DOCK8: variants seen among roughly 807,000 people sequenced by gnomAD.
DOCK8 encodes dedicator of cytokinesis 8.
Under a neutral mutation model 245.6 loss-of-function variants are expected in DOCK8, and 141 were observed. The observed-to-expected ratio is 0.57, with a 90% CI of 0.50 to 0.66. The LOEUF is 0.66. Ranked by LOEUF, DOCK8 falls within the 30% of genes least tolerant of loss-of-function variation. DOCK8 has a pLI of 0.00. For synonymous variants in DOCK8, 1,168 were observed against 970.2 expected, an observed-to-expected ratio of 1.20 and a Z score of -3.79; for missense variants, 2,965 against 2,603.4, an observed-to-expected ratio of 1.14 and a Z score of -3.02.
chr9:392,411 G>A (rs1366656207), intron 24 of DOCK8, among the ~76,000 whole-genome samples: 1 of 152,188 alleles, frequency 6.6e-6, no homozygotes, highest in Non-Finnish European at 1.5e-5. Context: ...CCTCTGTTTT[G>A]AGAAGGGTCC....
chr9:218,043 T>G (rs2046800811), intron 1 of DOCK8, among the ~76,000 whole-genome samples: 1 of 152,250 alleles, frequency 6.6e-6, no homozygotes, highest in Non-Finnish European at 1.5e-5. Context: ...TGTTTCTGAT[T>G]AGTGTTTAAT....
chr9:430,726 C>T (rs1428210362), intron 36 of DOCK8, among the ~76,000 whole-genome samples: 1 of 151,604 alleles, frequency 6.6e-6, no homozygotes, highest in Non-Finnish European at 1.5e-5. Context: ...AAGTTATCAT[C>T]TGTGGGGGAA....
At chr9:341,049 A>G (rs1250768044) in intron 14 of DOCK8, among the ~76,000 whole-genome samples, 1 of 152,254 alleles carries the variant, frequency 6.6e-6, no homozygotes, top group Non-Finnish European at 1.5e-5. Flanking sequence ...TAATAATAGC[A>G]CACATTCCAA....
intron 21 of DOCK8, among the ~76,000 whole-genome samples, 183 bp from the exon 22 acceptor site, chr9:382,330 C>A (rs1264941099): frequency 2.0e-5 from 3 of 152,164 alleles, no homozygotes; most frequent in Non-Finnish European, 4.4e-5. Flanking sequence ...GTGCCTTATG[C>A]CCCATCTACT....
At chr9:335,030 C>T (rs995709528) in intron 11 of DOCK8, among the ~76,000 whole-genome samples, 1 of 151,790 alleles carries the variant, frequency 6.6e-6, no homozygotes, top group African/African-American at 2.4e-5. Context: ...TACAGTGAGC[C>T]GAGATCAGGC....
rs148966853 is a variant in DOCK8, at chr9:286,416, G to C, written c.157-45G>C. On this transcript the variant is annotated intron_variant, in intron 2 of 47. Coordinates refer to ENST00000432829, the MANE Select transcript of DOCK8 (RefSeq NM_203447.4). Reference sequence around the variant, plus strand: ...TACTATTGCCTTTGTGCTTTTACCAGAAAACTGGGTGAGAACCTCCTTTTC... The same window carrying C: ...TACTATTGCCTTTGTGCTTTTACCACAAAACTGGGTGAGAACCTCCTTTTC... 167 of 1,605,726 alleles carry C rather than the reference G, an allele frequency of 1.0e-4. No homozygotes were observed. In the Middle Eastern group the frequency reaches 2.9e-3, roughly 28 times the overall value.
At chr9:285,390 G>A (rs1174149878) in intron 2 of DOCK8, among the ~76,000 whole-genome samples, 1 of 152,198 alleles carries the variant, frequency 6.6e-6, no homozygotes, top group Non-Finnish European at 1.5e-5. Context: ...CATCAAGGCA[G>A]TGCAAGTAAA....
chr9:253,404 A>G (rs1563843151), intron 1 of DOCK8, among the ~76,000 whole-genome samples: 1 of 152,152 alleles, frequency 6.6e-6, no homozygotes, highest in Non-Finnish European at 1.5e-5. Flanking sequence ...TACTCAAAGC[A>G]ACTTTCTTTA....
intron 11 of DOCK8, 76 bp downstream of exon 11, chr9:334,460 G>T: frequency 6.6e-7 from 1 of 1,514,078 alleles, no homozygotes; most frequent in Non-Finnish European, 9.0e-7. Context: ...TACTAGCGGG[G>T]ACTGGGGGCA....
chr9:386,285 C>T (rs752728087), intron 22 of DOCK8, 46 bp from the exon 23 acceptor site: 1 of 1,549,492 alleles, frequency 6.5e-7, no homozygotes, highest in East Asian at 2.3e-5. Flanking sequence ...TCTGGCTTAC[C>T]TTTCCATGGT....
At chr9:288,325 C>T (rs913814511) in intron 3 of DOCK8, among the ~76,000 whole-genome samples, 7 of 152,184 alleles carry the variant, frequency 4.6e-5, no homozygotes, top group Admixed American at 1.3e-4. Flanking sequence ...GCTGTGATGG[C>T]GTGGTAGTGA....
intron 26 of DOCK8, among the ~76,000 whole-genome samples, chr9:400,034 C>CCAG (rs1308908218): frequency 5.4e-5 from 5 of 91,978 alleles, no homozygotes; most frequent in African/African-American, 2.3e-4. Flanking sequence ...TCCACCATCA[C>CCAG]CACCACCACC....
chr9:402,215 C>G (rs753182045), intron 26 of DOCK8, among the ~76,000 whole-genome samples: 2 of 152,280 alleles, frequency 1.3e-5, no homozygotes, highest in African/African-American at 4.8e-5. Flanking sequence ...TCTTTCCTTT[C>G]TTTTCTCTTG....
intron 27 of DOCK8, 65 bp downstream of exon 27, chr9:405,138 A>C: frequency 6.8e-7 from 1 of 1,477,648 alleles, no homozygotes; most frequent in Non-Finnish European, 9.3e-7. Flanking sequence ...GCTCAGTTTA[A>C]TCATGTATTT....
chr9:464,412 C>G lies in DOCK8; in HGVS notation c.*193C>G. 1 of 652,874 alleles carries G rather than the reference C, an allele frequency of 1.5e-6. No individual in the cohort carries two copies. Among genetic ancestry groups the G allele is most frequent in the Admixed American group, 2.4e-5 (1 of 42,206 alleles). 40.4% of individuals were successfully genotyped at this position (652,874 alleles called of 1,614,324 possible). On this transcript the variant is annotated 3_prime_UTR_variant, in exon 48 of 48. Coordinates refer to ENST00000432829, the MANE Select transcript of DOCK8 (RefSeq NM_203447.4). The stretch of plus-strand genomic sequence containing the variant: ...GGACTCTGACCAGATTTTTGCCATA[C>G]TGGGGGGTGGCGGGATGGAGGATGG...
At chr9:271,535 C>A (rs540987053) in intron 1 of DOCK8, 92 bp from the exon 2 acceptor site, 32 of 1,036,098 alleles carry the variant, frequency 3.1e-5, no homozygotes, top group Middle Eastern at 2.3e-4. Flanking sequence ...CCAAGGCCTA[C>A]GTTTTATAAC....
intron 1 of DOCK8, 52 bp downstream of exon 1, chr9:215,081 TGTGAAG>T: frequency 6.5e-7 from 1 of 1,532,894 alleles, no homozygotes; most frequent in Non-Finnish European, 8.7e-7. Context: ...CCAGCGCTGG[TGTGAAG>T]CGGAGCTTCG....
chr9:272,609 A>AC (rs1257683149), intron 2 of DOCK8, among the ~76,000 whole-genome samples: 6 of 151,422 alleles, frequency 4.0e-5, no homozygotes, highest in African/African-American at 1.5e-4. Context: ...CTGGTCTTGA[A>AC]CTCCTGGGCT....
intron 15 of DOCK8, chr9:369,245 C>A (rs1023675810): frequency 6.6e-6 from 1 of 152,210 alleles, no homozygotes; most frequent in East Asian, 1.9e-4. Context: ...GCGGTGGGGT[C>A]CTCTTAGTCC....
Sources: allele counts gnomAD v4.1 joint callset (sites outside exome capture counted in the v4.1 genomes callset), GRCh38; gene constraint gnomAD v4.1.1; transcripts MANE v1.5; gene names NCBI Gene and HGNC (gene_info 2026-07-23, HGNC 2026-07-21).